The following DNAI1 variants were observed in gnomAD, a reference collection of about 807,000 sequenced individuals.
The protein encoded by DNAI1 is dynein, axonemal, intermediate polypeptide 1.
In DNAI1, 67 loss-of-function variants were observed where a neutral mutation model predicts 92.0. The observed-to-expected ratio is 0.73, with a 90% CI of 0.60 to 0.89. The LOEUF (loss-of-function observed/expected upper bound fraction) is 0.89, where lower values mean the gene tolerates loss of function less well. DNAI1 is among the 40% of genes least tolerant of loss of function. The pLI, the probability that DNAI1 is intolerant of heterozygous loss-of-function variation, is 0.00. For synonymous variants in DNAI1, 323 were observed against 319.6 expected (o/e 1.01, Z -0.11); for missense variants, 839 against 866.6 (o/e 0.97, Z 0.40).
At chr9:34,489,203 T>G in intron 4 of DNAI1, 120 bp from the exon 5 acceptor site, 3 of 1,180,554 alleles carry the variant, frequency 2.5e-6, no homozygotes, top group Non-Finnish European at 3.8e-6. Context: ...GAGGATTTGG[T>G]GAGTTACATT....
At chr9:34,512,979 C>T (rs1303168802) in intron 15 of DNAI1, 133 bp from the exon 16 acceptor site, 6 of 796,502 alleles carry the variant, frequency 7.5e-6, no homozygotes, top group South Asian at 5.5e-5. Context: ...CTTACAGGGG[C>T]CCTAGTTCAG....
chr9:34,483,056 G>C (rs527427897), intron 1 of DNAI1, among the ~76,000 whole-genome samples: 5 of 152,332 alleles, frequency 3.3e-5, no homozygotes, highest in Non-Finnish European at 7.3e-5. Context: ...TGGCTGCTCC[G>C]AGTGCGGGGC....
chr9:34,507,250 A>C (rs1481908528), intron 13 of DNAI1, among the ~76,000 whole-genome samples: 1 of 152,210 alleles, frequency 6.6e-6, no homozygotes, highest in Admixed American at 6.5e-5. Flanking sequence ...ACCCCCACAC[A>C]GTCAAAAATC....
chr9:34,515,945 C>T (rs762150896), intron 18 of DNAI1, among the ~76,000 whole-genome samples: 1 of 151,098 alleles, frequency 6.6e-6, no homozygotes, highest in Non-Finnish European at 1.5e-5. Context: ...AAAGTTGTTA[C>T]ATTAAAAGAA....
intron 6 of DNAI1, 23 bp from the exon 7 acceptor site, chr9:34,490,346 A>C (rs1824562700): frequency 6.2e-7 from 1 of 1,614,094 alleles, no homozygotes; most frequent in Non-Finnish European, 8.5e-7. Flanking sequence ...CTGATTCCTG[A>C]TCCTCTGGGT....
At chr9:34,460,812 C>CG (rs1419379212) in intron 1 of DNAI1, among the ~76,000 whole-genome samples, 1 of 151,990 alleles carries the variant, frequency 6.6e-6, no homozygotes, top group Admixed American at 6.6e-5. Context: ...GCATGCACCA[C>CG]CATGCCTGGC....
chr9:34,514,584 G>T (rs753753031), intron 17 of DNAI1, 42 bp downstream of exon 17: 1 of 1,614,218 alleles, frequency 6.2e-7, no homozygotes, highest in South Asian at 1.1e-5. Context: ...CCCTCCCCTG[G>T]GCTATGGCAC....
rs564107744 is a variant in DNAI1 at position 34,490,973 on chromosome 9, T to G, written c.621+485T>G. Among the ~76,000 whole-genome samples the G allele has an allele frequency of 3.9e-5, 6 of 152,292 alleles. No individual in the cohort carries two copies. The South Asian group carries it at 1.2e-3, about 32-fold the overall frequency. ...ACGTAAGGGGAGGGTTCTACAGAAATGAATCTACAGATGGAGGGCGAGGTC... is the reference window on the plus strand; with the variant it reads ...ACGTAAGGGGAGGGTTCTACAGAAAGGAATCTACAGATGGAGGGCGAGGTC... On this transcript the variant is annotated intron_variant, in intron 7 of 19. Transcript: ENST00000242317.
intron 9 of DNAI1, among the ~76,000 whole-genome samples, chr9:34,495,364 G>T (rs546358346): frequency 3.3e-5 from 5 of 152,292 alleles, no homozygotes; most frequent in Admixed American, 3.3e-4. Context: ...GGGTCTGAGA[G>T]CATGGACCCT....
chr9:34,460,115 G>A (rs1219859338), intron 1 of DNAI1, among the ~76,000 whole-genome samples: 1 of 152,152 alleles, frequency 6.6e-6, no homozygotes, highest in African/African-American at 2.4e-5. Flanking sequence ...CACCTGGACA[G>A]ATGTCATCCC....
chr9:34,508,975 C>A (rs917264085), intron 13 of DNAI1, among the ~76,000 whole-genome samples: 2 of 152,232 alleles, frequency 1.3e-5, no homozygotes, highest in African/African-American at 4.8e-5. Context: ...CTTTTCTTCT[C>A]ATTCCTTCCT....
In DNAI1 at chr9:34,486,176, A is replaced by C. The variant is rs1587068234; in HGVS notation, c.261+659A>C. Reference sequence around the variant, plus strand: ...TCCGAGTACATTTGAGCTGCAGTGGAAGGGGTGCATATGTTTCCTATTTCG... The same window carrying C: ...TCCGAGTACATTTGAGCTGCAGTGGCAGGGGTGCATATGTTTCCTATTTCG... On this transcript the variant is annotated intron_variant, in intron 4 of 19. Transcript: ENST00000242317. Among the ~76,000 whole-genome samples the C allele has an allele frequency of 2.6e-5, 4 of 152,194 alleles. No individual in the cohort carries two copies. The South Asian group carries it at 8.3e-4, about 31-fold the overall frequency.
chr9:34,493,827 T>C (rs375513804), intron 9 of DNAI1, among the ~76,000 whole-genome samples: 13 of 152,220 alleles, frequency 8.5e-5, no homozygotes, highest in African/African-American at 3.1e-4. Context: ...GCTAGGCCAA[T>C]GGATTTGGCC....
chr9:34,502,845 C>T (rs1223259277), intron 12 of DNAI1, among the ~76,000 whole-genome samples: 5 of 152,104 alleles, frequency 3.3e-5, no homozygotes. Flanking sequence ...CCTCTCTGAG[C>T]CTTGGTTTCT....
intron 18 of DNAI1, among the ~76,000 whole-genome samples, chr9:34,515,478 C>T (rs1301465095): frequency 1.3e-5 from 2 of 152,140 alleles, no homozygotes; most frequent in Non-Finnish European, 2.9e-5. Context: ...AAAGCAACAA[C>T]AAAATTCCCA....
At chr9:34,478,167 G>A (rs1281788800) in intron 1 of DNAI1, among the ~76,000 whole-genome samples, 1 of 152,058 alleles carries the variant, frequency 6.6e-6, no homozygotes, top group African/African-American at 2.4e-5. Context: ...TATTACAGGC[G>A]TGAGCCACAG....
At chr9:34,483,667 A>G (rs1455742845) in intron 2 of DNAI1, among the ~76,000 whole-genome samples, 187 bp downstream of exon 2, 1 of 152,198 alleles carries the variant, frequency 6.6e-6, no homozygotes, top group African/African-American at 2.4e-5. Flanking sequence ...AGATATTTTT[A>G]TGCATATATA....
At chr9:34,471,967 A>G (rs1197408055) in intron 1 of DNAI1, among the ~76,000 whole-genome samples, 2 of 152,232 alleles carry the variant, frequency 1.3e-5, no homozygotes, top group Non-Finnish European at 2.9e-5. Context: ...AAATGGAAGT[A>G]TTTTTATTGT....
At chr9:34,506,298 T>C (rs1824928159) in intron 12 of DNAI1, among the ~76,000 whole-genome samples, 1 of 152,136 alleles carries the variant, frequency 6.6e-6, no homozygotes, top group African/African-American at 2.4e-5. Flanking sequence ...CCTCTGAGGG[T>C]TCTGCTCCTT....
Sources: allele counts gnomAD v4.1 joint callset (sites outside exome capture counted in the v4.1 genomes callset), GRCh38; gene constraint gnomAD v4.1.1; transcripts MANE v1.5; gene names NCBI Gene and HGNC (gene_info 2026-07-23, HGNC 2026-07-21).